The following HSCB variants were observed in gnomAD, a reference collection of about 807,000 sequenced individuals.
HSCB encodes HscB mitochondrial iron-sulfur cluster cochaperone, also known as iron-sulfur cluster co-chaperone protein HscB.
Under a neutral mutation model 31.3 loss-of-function variants are expected in HSCB, and 23 were observed. The ratio of observed to expected loss-of-function variants is 0.74; its 90% CI spans 0.53 to 1.04. The LOEUF is 1.04. HSCB is among the 50% of genes least tolerant of loss of function. The pLI, the probability that HSCB is intolerant of heterozygous loss-of-function variation, is 0.00. For missense variants in HSCB, 297 were observed against 288.1 expected (o/e 1.03, Z -0.22); for synonymous variants, 110 against 104.5 (o/e 1.05, Z -0.32).
At position 28,742,104 on chromosome 22, in the gene HSCB, G is replaced by A. The variant is rs1167498102; in HGVS notation, c.9G>A (p.Arg3=). 1 of 1,596,826 alleles carries A rather than the reference G, an allele frequency of 6.3e-7. No homozygotes were observed. Among genetic ancestry groups the A allele is most frequent in the Non-Finnish European group, 8.5e-7 (1 of 1,171,906 alleles). The change falls in exon 1 of 6, where the codon CGG becomes CGA. Residue 3 remains arginine (R), a synonymous_variant. Transcript: ENST00000216027. ...GATAGGCCGCCGGCCAGATGTGGCG[G>A]GGGAGAGCCGGGGCTTTGCTCCGGG... MW[R]GRAGALLRVW...
chr22:28,742,643 A>G (rs1465860157), intron 1 of HSCB: 1 of 428,022 alleles, frequency 2.3e-6, no homozygotes, highest in Non-Finnish European at 4.2e-6. Flanking sequence ...CCTACGGGAA[A>G]GGGAAGGAGA....
chr22:28,745,237 G>GT (rs994530956), intron 3 of HSCB: 18 of 150,538 alleles, frequency 1.2e-4, no homozygotes, highest in East Asian at 3.9e-4. Flanking sequence ...TTTCTGTTTT[G>GT]TTTTTTTTTC....
chr22:28,746,609 C>T (rs1314368090), intron 4 of HSCB, among the ~76,000 whole-genome samples: 2 of 150,594 alleles, frequency 1.3e-5, no homozygotes, highest in East Asian at 4.0e-4. Flanking sequence ...AAAAAATCAG[C>T]CAAGCGTAGG....
chr22:28,750,247 CAAAAAAAAAAAAAAAA>C (rs563701958), intron 4 of HSCB, among the ~76,000 whole-genome samples: 7 of 64,698 alleles, frequency 1.1e-4, no homozygotes, highest in Non-Finnish European at 2.2e-4. Context: ...GAAACTGTCT[CAAAAAAAAAAAAAAAA>C]AAAAAAAAAA....
At position 28,744,844 on chromosome 22, in the gene HSCB, A is replaced by T. The variant is rs1050097073; in HGVS notation, c.423+140A>T. On this transcript the variant is annotated intron_variant, in intron 3 of 5. Transcript: ENST00000216027. ...ACACCTGTAATCCCAGAACTTTCAG[A>T]GGCTGAGGTGGTCAGATCACTTCAG... 14 of 682,302 alleles carry T rather than the reference A, an allele frequency of 2.1e-5. No homozygotes were observed. In the African/African-American group the frequency reaches 2.5e-4, roughly 12 times the overall value. 42.3% of individuals were successfully genotyped at this position (682,302 alleles called of 1,614,324 possible). A position where few individuals can be genotyped will look rare whatever the true frequency, so the allele number is the denominator to read the frequency against.
chr22:28,748,829 T>C (rs1343878190), intron 4 of HSCB, among the ~76,000 whole-genome samples: 2 of 152,038 alleles, frequency 1.3e-5, no homozygotes, highest in Non-Finnish European at 2.9e-5. Flanking sequence ...AACCCAAATC[T>C]AATCACTACT....
At chr22:28,752,091 AAAAC>A (rs1352815713) in intron 5 of HSCB, among the ~76,000 whole-genome samples, 7 of 151,494 alleles carry the variant, frequency 4.6e-5, no homozygotes, top group South Asian at 2.1e-4. Flanking sequence ...ACTCCCTCTC[AAAAC>A]AAACAAAAAA....
intron 4 of HSCB, among the ~76,000 whole-genome samples, chr22:28,749,145 A>AG (rs1491470989): frequency 3.2e-5 from 1 of 31,622 alleles, no homozygotes; most frequent in East Asian, 4.9e-3. Flanking sequence ...CGTCTCAAAG[A>AG]AAAAAAAAAA....
chr22:28,757,120 A>G lies in HSCB; in HGVS notation c.659A>G (p.Tyr220Cys), dbSNP rs1212885360. The G allele has an allele frequency of 6.4e-7, 1 of 1,570,894 alleles. No homozygotes were observed. The highest frequency in any genetic ancestry group is 8.8e-7 in the Non-Finnish European group (1 of 1,141,138). ...AAGGAAATTTTGACAAAGATGAGATACTTTTCAAATATAGAAGAAAAGATC... is the reference window on the plus strand; with the variant it reads ...AAGGAAATTTTGACAAAGATGAGATGCTTTTCAAATATAGAAGAAAAGATC... The part of the protein sequence containing the change: ...EAKEILTKMR[Y>C]FSNIEEKIKL... Residue 220 changes from tyrosine to cysteine, a missense_variant, in exon 6 of 6, where the codon TAC becomes TGC. Transcript: ENST00000216027.
intron 4 of HSCB, among the ~76,000 whole-genome samples, chr22:28,747,775 T>G (rs565552951): frequency 1.3e-5 from 2 of 152,318 alleles, no homozygotes; most frequent in African/African-American, 4.8e-5. Flanking sequence ...TGCATGACAC[T>G]GAGGATACAG....
chr22:28,749,090 G>T (rs746211399), intron 4 of HSCB, among the ~76,000 whole-genome samples: 1 of 151,586 alleles, frequency 6.6e-6, no homozygotes, highest in African/African-American at 2.4e-5. Flanking sequence ...GCAGTGAACC[G>T]TGTTTGCACC....
chr22:28,750,945 C>CTTTTTTT (rs758451182), intron 4 of HSCB, among the ~76,000 whole-genome samples: 1,700 of 56,366 alleles, frequency 0.03, 193 homozygotes, highest in South Asian at 0.065. Flanking sequence ...ATATCTTTGT[C>CTTTTTTT]TTTTTTTTTT....
At chr22:28,746,488 C>A (rs2054694096) in intron 4 of HSCB, among the ~76,000 whole-genome samples, 2 of 151,916 alleles carry the variant, frequency 1.3e-5, no homozygotes, top group African/African-American at 4.8e-5. Flanking sequence ...CACAGTGGCT[C>A]ATGCCTGTAA....
intron 5 of HSCB, among the ~76,000 whole-genome samples, chr22:28,752,318 C>T (rs2030308001): frequency 6.6e-6 from 1 of 150,754 alleles, no homozygotes; most frequent in South Asian, 2.1e-4. Context: ...GTAATCCCAG[C>T]TACTAGGGAG....
At chr22:28,754,868 T>C (rs2030493540) in intron 5 of HSCB, among the ~76,000 whole-genome samples, 1 of 150,794 alleles carries the variant, frequency 6.6e-6, no homozygotes, top group African/African-American at 2.4e-5. Context: ...TGATCTCAGC[T>C]CACTGCAACC....
intron 4 of HSCB, among the ~76,000 whole-genome samples, chr22:28,750,918 G>A (rs184649003): frequency 4.4e-3 from 568 of 128,688 alleles, no homozygotes; most frequent in Non-Finnish European, 6.0e-3. Flanking sequence ...AAACTGTTTC[G>A]TGGAGATAAT....
chr22:28,744,767 C>A (rs2054656698), intron 3 of HSCB, 63 bp downstream of exon 3: 2 of 1,252,276 alleles, frequency 1.6e-6, no homozygotes, highest in Non-Finnish European at 2.3e-6. Flanking sequence ...CGTAGGACAG[C>A]CACGTCCCCT....
chr22:28,745,655 C>A, intron 3 of HSCB: 2 of 424,844 alleles, frequency 4.7e-6, no homozygotes, highest in Non-Finnish European at 8.3e-6. Flanking sequence ...AAGATCACAC[C>A]AAGGTCACAT....
intron 4 of HSCB, among the ~76,000 whole-genome samples, chr22:28,749,265 A>G (rs999613869): frequency 6.6e-6 from 1 of 152,070 alleles, no homozygotes; most frequent in Non-Finnish European, 1.5e-5. Flanking sequence ...TCCAGCCACA[A>G]TGACCACTTC....
Sources: allele counts gnomAD v4.1 joint callset (sites outside exome capture counted in the v4.1 genomes callset), GRCh38; gene constraint gnomAD v4.1.1; transcripts MANE v1.5; gene names NCBI Gene and HGNC (gene_info 2026-07-23, HGNC 2026-07-21).